USP12: variants seen among roughly 807,000 people sequenced by gnomAD.
The protein encoded by USP12 is ubiquitin carboxyl-terminal hydrolase 12.
In USP12, 19 loss-of-function variants were observed where a neutral mutation model predicts 45.5. The ratio of observed to expected loss-of-function variants is 0.42; its 90% CI spans 0.29 to 0.61. The LOEUF (loss-of-function observed/expected upper bound fraction) is 0.61. Ranked by LOEUF, USP12 falls within the 20% of genes least tolerant of loss-of-function variation. USP12 has a pLI of 0.22. For missense variants in USP12, 242 were observed against 447.7 expected, an observed-to-expected ratio of 0.54 and a Z score of 4.15; for synonymous variants, 149 against 148.8, an observed-to-expected ratio of 1.00 and a Z score of -0.01.
At chr13:27,108,502 G>A (rs1329901260) in intron 2 of USP12, among the ~76,000 whole-genome samples, 1 of 146,836 alleles carries the variant, frequency 6.8e-6, no homozygotes, top group African/African-American at 2.5e-5. Context: ...CCTGCACATT[G>A]TGCACATGTA....
chr13:27,105,521 T>G (rs1331073757), intron 3 of USP12, among the ~76,000 whole-genome samples: 1 of 152,216 alleles, frequency 6.6e-6, no homozygotes, highest in Non-Finnish European at 1.5e-5. Context: ...TATAACGCAA[T>G]GCAAACATTA....
At chr13:27,101,677 T>C (rs1874867226) in intron 3 of USP12, among the ~76,000 whole-genome samples, 2 of 152,210 alleles carry the variant, frequency 1.3e-5, no homozygotes, top group African/African-American at 4.8e-5. Context: ...AAAACACTGC[T>C]TAAAAATAGG....
chr13:27,142,041 G>C (rs930825788), intron 1 of USP12, among the ~76,000 whole-genome samples: 1 of 152,166 alleles, frequency 6.6e-6, no homozygotes, highest in Non-Finnish European at 1.5e-5. Context: ...AGAATTGCTT[G>C]AACTCAGGAG....
intron 1 of USP12, among the ~76,000 whole-genome samples, chr13:27,158,339 A>G (rs1593215154): frequency 6.6e-6 from 1 of 152,342 alleles, no homozygotes; most frequent in Non-Finnish European, 1.5e-5. Context: ...CATAGCCCTC[A>G]GAGGGAACCA....
chr13:27,099,945 CTG>C (rs1014994613), intron 3 of USP12, among the ~76,000 whole-genome samples: 1 of 152,144 alleles, frequency 6.6e-6, no homozygotes, highest in African/African-American at 2.4e-5. Context: ...ATTTGGTACA[CTG>C]TGTGTGGGTT....
intron 2 of USP12, among the ~76,000 whole-genome samples, chr13:27,112,459 T>C (rs1365981896): frequency 1.3e-5 from 2 of 151,786 alleles, no homozygotes; most frequent in African/African-American, 2.4e-5. Flanking sequence ...CCCAGCATTT[T>C]TTTTTTTTTA....
intron 1 of USP12, among the ~76,000 whole-genome samples, chr13:27,137,920 T>C (rs1050119254): frequency 2.0e-5 from 3 of 152,248 alleles, no homozygotes; most frequent in Non-Finnish European, 2.9e-5. Flanking sequence ...CGAGGAACCG[T>C]AGGCGGCCTC....
chr13:27,072,593 C>G lies in USP12; in HGVS notation c.933-1444G>C, dbSNP rs34653426. Among the ~76,000 whole-genome samples, 168 of 152,066 alleles carry G rather than the reference C, an allele frequency of 1.1e-3. 1 individual carries two copies. The highest frequency in any genetic ancestry group is 3.4e-3 in the African/African-American group (143 of 41,480). On this transcript the variant is annotated intron_variant, in intron 7 of 8. Coordinates refer to ENST00000282344, the MANE Select transcript of USP12 (RefSeq NM_182488.4). Reference sequence around the variant, plus strand: ...TACCAACAACTGCTTGCCCAAATACCCCTTCAGTACAATAGATAACTACTC... The same window carrying G: ...TACCAACAACTGCTTGCCCAAATACGCCTTCAGTACAATAGATAACTACTC...
chr13:27,171,704 G>A lies in USP12; in HGVS notation c.-65C>T, dbSNP rs1390568293. The A allele has an allele frequency of 5.6e-6, 6 of 1,081,024 alleles. No individual in the cohort carries two copies. The East Asian group carries it at 2.6e-4, about 47-fold the overall frequency. The allele number at this position is 1,081,024 out of a possible 1,614,324, so 67.0% of individuals were successfully genotyped here. ...GCGGGCGGGGGAGGAGGGGAGCCGG[G>A]CCGCCCGCTCGCACCGCAGCCCGCG... On this transcript the variant is annotated 5_prime_UTR_variant, in exon 1 of 9. Coordinates refer to ENST00000282344, the MANE Select transcript of USP12 (RefSeq NM_182488.4).
At chr13:27,115,656 G>A (rs74041197) in intron 2 of USP12, among the ~76,000 whole-genome samples, 2,524 of 152,260 alleles carry the variant, frequency 0.017, 83 homozygotes, top group African/African-American at 0.057. Context: ...CTCAGAACAG[G>A]TAACATTCAG....
At chr13:27,074,546 T>C (rs1374988612) in intron 7 of USP12, among the ~76,000 whole-genome samples, 2 of 152,208 alleles carry the variant, frequency 1.3e-5, no homozygotes, top group African/African-American at 2.4e-5. Context: ...GCTTTAAAAT[T>C]ATTAAAGGAA....
intron 4 of USP12, among the ~76,000 whole-genome samples, chr13:27,091,849 G>C (rs1446037104): frequency 6.6e-6 from 1 of 152,166 alleles, no homozygotes; most frequent in African/African-American, 2.4e-5. Flanking sequence ...TACCACCTGA[G>C]ACATTACCAA....
intron 1 of USP12, among the ~76,000 whole-genome samples, chr13:27,122,946 TA>T (rs908228433): frequency 2.6e-5 from 4 of 151,740 alleles, no homozygotes; most frequent in Non-Finnish European, 5.9e-5. Context: ...ACAAAAAAAT[TA>T]GCCAGGCCTG....
intron 1 of USP12, among the ~76,000 whole-genome samples, chr13:27,147,619 A>G (rs963202062): frequency 6.6e-5 from 10 of 152,226 alleles, no homozygotes; most frequent in Admixed American, 2.6e-4. Context: ...AAATGCTGAA[A>G]GTCAAAGACA....
chr13:27,088,505 A>G (rs1459308922), intron 6 of USP12, among the ~76,000 whole-genome samples: 1 of 151,098 alleles, frequency 6.6e-6, no homozygotes, highest in Non-Finnish European at 1.5e-5. Flanking sequence ...TGTTCCCACC[A>G]TTTGCCAAAT....
intron 1 of USP12, among the ~76,000 whole-genome samples, chr13:27,155,342 A>T (rs1458594216): frequency 6.6e-6 from 1 of 152,024 alleles, no homozygotes. Flanking sequence ...TGGCCTCCCA[A>T]GGTGCTGGGA....
intron 3 of USP12, among the ~76,000 whole-genome samples, chr13:27,104,378 T>C (rs959063862): frequency 6.6e-6 from 1 of 152,194 alleles, no homozygotes; most frequent in African/African-American, 2.4e-5. Flanking sequence ...AAGGGTGCCA[T>C]GTTCAATTAC....
chr13:27,087,698 G>A (rs1874125683), intron 6 of USP12, among the ~76,000 whole-genome samples: 2 of 152,290 alleles, frequency 1.3e-5, no homozygotes, highest in South Asian at 4.1e-4. Flanking sequence ...TCCAGAGTAG[G>A]GGCAAAGAAA....
chr13:27,095,867 G>A, intron 3 of USP12, 37 bp from the exon 4 acceptor site: 1 of 1,476,046 alleles, frequency 6.8e-7, no homozygotes, highest in Non-Finnish European at 9.0e-7. Flanking sequence ...AATTATTTCA[G>A]AATTCATAAC....
Sources: gnomAD v4.1 joint callset for allele counts (sites outside exome capture counted in the v4.1 genomes callset) on GRCh38, gnomAD v4.1.1 for gene constraint, MANE v1.5 for transcripts, NCBI Gene and HGNC (gene_info 2026-07-23, HGNC 2026-07-21) for gene names.